Variants in PAX5 observed in about 807,000 individuals in gnomAD.
PAX5 encodes paired box 5.
In PAX5, 9 loss-of-function variants were observed where a neutral mutation model predicts 43.7. The ratio of observed to expected loss-of-function variants is 0.21; its 90% CI spans 0.12 to 0.36. The LOEUF (loss-of-function observed/expected upper bound fraction) is 0.36, where lower values mean the gene tolerates loss of function less well. Ranked by LOEUF, PAX5 falls within the 10% of genes least tolerant of loss-of-function variation. The pLI, the probability that PAX5 is intolerant of heterozygous loss-of-function variation, is 1.00. For missense variants in PAX5, 383 were observed against 532.7 expected (o/e 0.72, Z 2.77); for synonymous variants, 228 against 214.3 (o/e 1.06, Z -0.56).
chr9:37,010,183 G>C (rs1049565149), intron 3 of PAX5, among the ~76,000 whole-genome samples: 19 of 152,290 alleles, frequency 1.2e-4, no homozygotes, highest in African/African-American at 4.6e-4. Context: ...CCTTTTCTAA[G>C]CCAGGGACAG....
intron 8 of PAX5, among the ~76,000 whole-genome samples, chr9:36,873,491 C>G (rs1022542766): frequency 1.3e-5 from 2 of 152,242 alleles, no homozygotes; most frequent in African/African-American, 4.8e-5. Flanking sequence ...GAGTCAGGAA[C>G]GAGCAACAGG....
At chr9:36,931,031 G>C in intron 6 of PAX5, 1 of 476,430 alleles carries the variant, frequency 2.1e-6, no homozygotes, top group South Asian at 1.5e-5. Context: ...CAAGGCTGCA[G>C]GGCTGGTCAC....
intron 6 of PAX5, among the ~76,000 whole-genome samples, chr9:36,945,531 GTACCCA>G (rs1832420943): frequency 1.3e-5 from 2 of 152,228 alleles, no homozygotes; most frequent in South Asian, 4.1e-4. Context: ...GTAAGCCACT[GTACCCA>G]TACCTTCCAA....
At chr9:37,033,605 C>CAT (rs1191374929) in intron 1 of PAX5, among the ~76,000 whole-genome samples, 9 of 151,452 alleles carry the variant, frequency 5.9e-5, no homozygotes, top group South Asian at 4.2e-4. Context: ...AAGATACACA[C>CAT]ACACACACAC....
chr9:36,942,281 A>T (rs1471404356), intron 6 of PAX5, among the ~76,000 whole-genome samples: 1 of 152,238 alleles, frequency 6.6e-6, no homozygotes, highest in African/African-American at 2.4e-5. Context: ...TCAAGGGGAC[A>T]CTGTTGTAAG....
intron 8 of PAX5, among the ~76,000 whole-genome samples, chr9:36,880,251 C>G (rs1272463877): frequency 6.6e-6 from 1 of 152,254 alleles, no homozygotes; most frequent in Non-Finnish European, 1.5e-5. Context: ...CACGTGGGGC[C>G]TTGCACACGC....
At chr9:36,942,503 C>A (rs903399189) in intron 6 of PAX5, among the ~76,000 whole-genome samples, 2 of 152,220 alleles carry the variant, frequency 1.3e-5, no homozygotes, top group African/African-American at 4.8e-5. Context: ...GCACCTTTTA[C>A]ACACAGAGTC....
Position 36,995,544 on chromosome 9 carries a change from G to A in PAX5, c.604+7104C>T, listed in dbSNP as rs867940319. ...GCTGTCAACAGTGGGGATGGCGGACGGCCCTGTGAGAATGGAGGAAAGGAG... is the reference window on the plus strand; with the variant it reads ...GCTGTCAACAGTGGGGATGGCGGACAGCCCTGTGAGAATGGAGGAAAGGAG... On this transcript the variant is annotated intron_variant, in intron 5 of 9. Transcript: ENST00000358127. Among the ~76,000 whole-genome samples the A allele has an allele frequency of 5.9e-5, 9 of 152,180 alleles. 1 individual carries two copies. The highest frequency in any genetic ancestry group is 3.3e-4 in the Admixed American group (5 of 15,290).
intron 6 of PAX5, among the ~76,000 whole-genome samples, chr9:36,929,125 A>G (rs545654710): frequency 6.6e-6 from 1 of 152,142 alleles, no homozygotes; most frequent in African/African-American, 2.4e-5. Context: ...TTAGATACAC[A>G]TACTTGCTTA....
chr9:36,859,211 C>G (rs62533252), intron 8 of PAX5, among the ~76,000 whole-genome samples: 85 of 152,138 alleles, frequency 5.6e-4, no homozygotes, highest in African/African-American at 1.5e-3. Context: ...GAATCAGACA[C>G]GGTCCCTGCC....
At chr9:36,961,373 C>A (rs1306701460) in intron 6 of PAX5, among the ~76,000 whole-genome samples, 1 of 152,218 alleles carries the variant, frequency 6.6e-6, no homozygotes, top group Non-Finnish European at 1.5e-5. Context: ...AGGTCAGCAG[C>A]ACATCCCCTT....
intron 8 of PAX5, chr9:36,864,293 C>G (rs576786508): frequency 0.015 from 2,303 of 154,604 alleles, 56 homozygotes; most frequent in African/African-American, 0.052. Flanking sequence ...GTGCCAAGTC[C>G]TGGTCCATGC....
intron 7 of PAX5, among the ~76,000 whole-genome samples, chr9:36,894,513 C>G (rs1303258616): frequency 6.6e-6 from 1 of 152,166 alleles, no homozygotes; most frequent in Non-Finnish European, 1.5e-5. Flanking sequence ...GGGACAAGAG[C>G]CACAGGGCTG....
intron 7 of PAX5, among the ~76,000 whole-genome samples, chr9:36,915,590 T>C (rs1397623026): frequency 2.6e-5 from 4 of 152,210 alleles, no homozygotes; most frequent in Non-Finnish European, 5.9e-5. Flanking sequence ...AAAAGCTCTT[T>C]ATATATTGAG....
At chr9:37,006,984 C>T (rs1838456956) in intron 3 of PAX5, among the ~76,000 whole-genome samples, 1 of 152,172 alleles carries the variant, frequency 6.6e-6, no homozygotes, top group Admixed American at 6.5e-5. Flanking sequence ...TGTCCTCTGG[C>T]AGCGCTCACG....
At chr9:37,014,865 C>T in intron 3 of PAX5, 132 bp downstream of exon 3, 2 of 824,116 alleles carry the variant, frequency 2.4e-6, no homozygotes, top group Admixed American at 4.5e-5. Context: ...ATTAGCATCC[C>T]TCCTGTTCAG....
At chr9:36,943,529 T>TTCACACACACACAC (rs35815065) in intron 6 of PAX5, among the ~76,000 whole-genome samples, 1,703 of 145,974 alleles carry the variant, frequency 0.012, 42 homozygotes, top group South Asian at 0.04. Context: ...TAGTTCAACA[T>TTCACACACACACAC]ACACACACAC....
At chr9:36,854,870 A>G (rs1823509757) in intron 8 of PAX5, among the ~76,000 whole-genome samples, 1 of 147,558 alleles carries the variant, frequency 6.8e-6, no homozygotes, top group South Asian at 2.1e-4. Flanking sequence ...AGAATGCACA[A>G]TGTGTCTCAC....
At chr9:36,969,321 C>T (rs917977166) in intron 5 of PAX5, among the ~76,000 whole-genome samples, 1 of 152,152 alleles carries the variant, frequency 6.6e-6, no homozygotes, top group Non-Finnish European at 1.5e-5. Flanking sequence ...CTTCAGCCAG[C>T]CAGGCCATCC....
Sources: gnomAD v4.1 joint callset for allele counts (sites outside exome capture counted in the v4.1 genomes callset) on GRCh38, gnomAD v4.1.1 for gene constraint, MANE v1.5 for transcripts, NCBI Gene and HGNC (gene_info 2026-07-23, HGNC 2026-07-21) for gene names.